The following ENTPD1 variants were observed in gnomAD, a reference collection of about 807,000 sequenced individuals.
The protein encoded by ENTPD1 is ATP diphosphohydrolase.
Under a neutral mutation model 57.0 loss-of-function variants are expected in ENTPD1, and 33 were observed. That is an observed-to-expected ratio of 0.58 (90% CI 0.44 to 0.77). The LOEUF (loss-of-function observed/expected upper bound fraction) is 0.77. Ranked by LOEUF, ENTPD1 falls within the 30% of genes least tolerant of loss-of-function variation. ENTPD1 has a pLI of 0.00. For synonymous variants in ENTPD1, 202 were observed against 218.8 expected (o/e 0.92, Z 0.68); for missense variants, 501 against 603.4 (o/e 0.83, Z 1.78).
intron 1 of ENTPD1, among the ~76,000 whole-genome samples, chr10:95,787,469 G>A (rs1237815201): frequency 6.6e-6 from 1 of 152,196 alleles, no homozygotes; most frequent in Admixed American, 6.5e-5. Flanking sequence ...GTATTTGGCT[G>A]TATGAAAATA....
chr10:95,839,724 AC>A lies in ENTPD1; in HGVS notation c.179del (p.Thr60LysfsTer22). On this transcript the variant is annotated frameshift_variant, in exon 3 of 10. Transcript: ENST00000371205. LOFTEE classifies it high-confidence loss of function. ...GIVLDAGSSH[T>X]SLYIYKWPAE... ...TGTGCTGGATGCGGGTTCTTCTCAC[AC>A]AAGTTTATACATCTATAAGTGGCCA... 1 of 1,614,124 alleles carries A rather than the reference AC, an allele frequency of 6.2e-7. No individual in the cohort carries two copies. The highest frequency in any genetic ancestry group is 2.2e-5 in the East Asian group (1 of 44,882).
the ENTPD1 span, among the ~76,000 whole-genome samples, chr10:95,694,665 AAAT>A: frequency 7.5e-6 from 1 of 132,768 alleles, no homozygotes; most frequent in Non-Finnish European, 1.7e-5. Context: ...GGAGGAATGG[AAAT>A]AGAAGATTTT....
chr10:95,736,678 C>T lies in ENTPD1; in HGVS notation c.37+24685C>T, dbSNP rs937083326. Among the ~76,000 whole-genome samples, 7 of 152,158 alleles carry T rather than the reference C, an allele frequency of 4.6e-5. No individual in the cohort carries two copies. The South Asian group carries it at 8.3e-4, about 18-fold the overall frequency. On this transcript the variant is annotated intron_variant, in intron 1 of 9. Transcript: ENST00000453258. ...ACTCCTGGTGTAGTTATCCTCCCAA[C>T]AGCCCAGCCCTGCATCACTTTATGA... is the stretch of plus-strand genomic sequence containing the variant.
rs2098480954 is a variant in ENTPD1 at position 95,871,981 on chromosome 10, G to A, written c.*5598G>A. The A allele has an allele frequency of 4.1e-6, 4 of 985,354 alleles. No individual in the cohort carries two copies. The highest frequency in any genetic ancestry group is 4.8e-6 in the Non-Finnish European group (4 of 829,918). 61.0% of individuals were successfully genotyped at this position (985,354 alleles called of 1,614,324 possible). Reference sequence around the variant, plus strand: ...GAACTCTACCATTACTCCTAACCCAGTTCCTCCTCCTGTGTTTTACATGAT... The same window carrying A: ...GAACTCTACCATTACTCCTAACCCAATTCCTCCTCCTGTGTTTTACATGAT... On this transcript the variant is annotated 3_prime_UTR_variant, in exon 10 of 10. Transcript: ENST00000371205.
chr10:95,801,094 T>C (rs548976364), intron 1 of ENTPD1, among the ~76,000 whole-genome samples: 1 of 152,332 alleles, frequency 6.6e-6, no homozygotes, highest in Admixed American at 6.5e-5. Context: ...AACTGATAAA[T>C]GTCCATGAAA....
chr10:95,820,350 A>G (rs1255205721), intron 1 of ENTPD1, among the ~76,000 whole-genome samples: 1 of 152,186 alleles, frequency 6.6e-6, no homozygotes, highest in African/African-American at 2.4e-5. Context: ...TCTTTTTCTT[A>G]TTATATCTTT....
chr10:95,745,752 A>G (rs1224610405), intron 1 of ENTPD1, among the ~76,000 whole-genome samples: 3 of 152,208 alleles, frequency 2.0e-5, no homozygotes, highest in Non-Finnish European at 2.9e-5. Flanking sequence ...TCTTCATTTC[A>G]GTTCAGCAAA....
chr10:95,820,683 G>A (rs186573900), intron 1 of ENTPD1, among the ~76,000 whole-genome samples: 32 of 152,226 alleles, frequency 2.1e-4, no homozygotes, highest in Admixed American at 4.6e-4. Context: ...CCCTCAATCT[G>A]ATACCTTTCC....
At chr10:95,764,460 G>T (rs1300655926) in intron 1 of ENTPD1, among the ~76,000 whole-genome samples, 1 of 152,138 alleles carries the variant, frequency 6.6e-6, no homozygotes, top group Non-Finnish European at 1.5e-5. Flanking sequence ...TTGATGAACT[G>T]CCAGACTGTT....
intron 1 of ENTPD1, among the ~76,000 whole-genome samples, chr10:95,723,978 G>A (rs990453756): frequency 2.6e-4 from 40 of 151,832 alleles, no homozygotes; most frequent in African/African-American, 6.0e-4. Flanking sequence ...TGGCTAACAC[G>A]GTGAAACCCT....
chr10:95,723,415 A>G (rs2097979922), intron 1 of ENTPD1, among the ~76,000 whole-genome samples: 2 of 152,018 alleles, frequency 1.3e-5, no homozygotes, highest in Admixed American at 6.6e-5. Context: ...GCCCATGTCT[A>G]GAGCTGTATA....
chr10:95,866,156 GACTTTCCCCAC>G lies in ENTPD1; in HGVS notation c.1327-20_1327-10del, dbSNP rs1566259053. The G allele has an allele frequency of 6.2e-7, 1 of 1,608,100 alleles. No homozygotes were observed. Among genetic ancestry groups the G allele is most frequent in the Non-Finnish European group, 8.5e-7 (1 of 1,176,928 alleles). ...CTTCTAACTCCTCCAACCACAAACA[GACTTTCCCCAC>G]TGTTTGCAGATCCAGGGCAGCGACG... On this transcript the variant is annotated splice_polypyrimidine_tract_variant and intron_variant, in intron 9 of 9. Transcript: ENST00000371205.
intron 1 of ENTPD1, among the ~76,000 whole-genome samples, chr10:95,778,279 A>G (rs966139247): frequency 6.6e-6 from 1 of 152,122 alleles, no homozygotes; most frequent in Non-Finnish European, 1.5e-5. Context: ...CCATCTTGGA[A>G]CCAAGATGTT....
chr10:95,819,449 C>A (rs2098341155), intron 1 of ENTPD1, among the ~76,000 whole-genome samples: 1 of 152,176 alleles, frequency 6.6e-6, no homozygotes, highest in Non-Finnish European at 1.5e-5. Flanking sequence ...CAGGTGTGAG[C>A]CACTGCACCC....
At chr10:95,731,730 T>C (rs963232647) in intron 1 of ENTPD1, among the ~76,000 whole-genome samples, 11 of 151,546 alleles carry the variant, frequency 7.3e-5, no homozygotes, top group East Asian at 5.8e-4. Context: ...GTGTCTAACA[T>C]TGGATATTCT....
chr10:95,838,113 C>T (rs2098414940), intron 2 of ENTPD1, among the ~76,000 whole-genome samples: 1 of 152,120 alleles, frequency 6.6e-6, no homozygotes, highest in African/African-American at 2.4e-5. Flanking sequence ...CCTTTCGCTT[C>T]CCCATTTACT....
At chr10:95,855,606 T>G (rs2098453146) in intron 7 of ENTPD1, among the ~76,000 whole-genome samples, 2 of 152,182 alleles carry the variant, frequency 1.3e-5, no homozygotes, top group African/African-American at 4.8e-5. Context: ...AGTGCTTCCT[T>G]CAGGAGCTCT....
chr10:95,731,781 C>CTTTTTTTTTTTTTTTTTTT lies in ENTPD1; in HGVS notation c.37+19791_37+19809dup, dbSNP rs34841311. Among the ~76,000 whole-genome samples the CTTTTTTTTTTTTTTTTTTT allele has an allele frequency of 7.2e-3, 570 of 79,144 alleles. 98 individuals are homozygous for CTTTTTTTTTTTTTTTTTTT. The highest frequency in any genetic ancestry group is 0.013 in the African/African-American group (240 of 18,638). 51.9% of individuals were successfully genotyped at this position (79,144 alleles called of 152,430 possible). ...GGTAAGAATTAGAGGAGTGGACATC[C>CTTTTTTTTTTTTTTTTTTT]TTTTTTTTTTTTTTTTTTTTTGACA... On this transcript the variant is annotated intron_variant, in intron 1 of 9. Transcript: ENST00000453258.
At chr10:95,768,627 A>G (rs926753850) in intron 1 of ENTPD1, among the ~76,000 whole-genome samples, 2 of 151,618 alleles carry the variant, frequency 1.3e-5, no homozygotes, top group African/African-American at 4.9e-5. Context: ...AATTTTCCTT[A>G]ACTATCTCCC....
Sources: allele counts gnomAD v4.1 joint callset (sites outside exome capture counted in the v4.1 genomes callset), GRCh38; gene constraint gnomAD v4.1.1; transcripts MANE v1.5; gene names NCBI Gene and HGNC (gene_info 2026-07-23, HGNC 2026-07-21).